C11orf65: variants seen among roughly 807,000 people sequenced by gnomAD.
The protein encoded by C11orf65 is protein MFI.
A neutral mutation model predicts 35.3 loss-of-function variants in C11orf65; 38 were observed. That is an observed-to-expected ratio of 1.08 (90% CI 0.83 to 1.41). C11orf65 has a LOEUF of 1.41. Among genes scored for constraint, C11orf65 ranks in the 40% most tolerant of loss-of-function variants. C11orf65 has a pLI of 0.00. For synonymous variants in C11orf65, 105 were observed against 114.4 expected, an observed-to-expected ratio of 0.92 and a Z score of 0.53; for missense variants, 370 against 367.1, an observed-to-expected ratio of 1.01 and a Z score of -0.06.
Position 108,320,307 on chromosome 11 carries a change from A to T in C11orf65, c.641-11236T>A, listed in dbSNP as rs139346740. Among the ~76,000 whole-genome samples the T allele has an allele frequency of 5.0e-3, 765 of 152,252 alleles. 12 individuals carry two copies. The highest frequency in any genetic ancestry group is 0.018 in the African/African-American group (730 of 41,542). On this transcript the variant is annotated intron_variant, in intron 6 of 6. Coordinates refer to the C11orf65 transcript ENST00000525729. ...GTGATTCCCTCTTTGTTCTCTTCCTATACAAGTATCCTGAGAATTATATCT... is the reference window on the plus strand; with the variant it reads ...GTGATTCCCTCTTTGTTCTCTTCCTTTACAAGTATCCTGAGAATTATATCT...
At chr11:108,389,823 T>C (rs1339714390) in intron 7 of C11orf65, among the ~76,000 whole-genome samples, 1 of 150,938 alleles carries the variant, frequency 6.6e-6, no homozygotes, top group Non-Finnish European at 1.5e-5. Context: ...GCCTCCCAAG[T>C]AGCTAGGACT....
At chr11:108,348,522 T>G (rs560029164) in intron 2 of C11orf65, among the ~76,000 whole-genome samples, 10 of 151,856 alleles carry the variant, frequency 6.6e-5, no homozygotes, top group African/African-American at 2.4e-4. Context: ...TATTTTGAAG[T>G]ATTAATGGGA....
At chr11:108,369,357 A>G (rs1416990647) in intron 2 of C11orf65, among the ~76,000 whole-genome samples, 4 of 150,284 alleles carry the variant, frequency 2.7e-5, no homozygotes, top group African/African-American at 1.0e-4. Flanking sequence ...GGCAAATATG[A>G]ATGTTCTTTC....
chr11:108,313,394 C>T (rs2084338132), intron 6 of C11orf65, among the ~76,000 whole-genome samples: 1 of 152,226 alleles, frequency 6.6e-6, no homozygotes, highest in East Asian at 1.9e-4. Context: ...AAGAGTTGTC[C>T]ATATTTGCTG....
intron 6 of C11orf65, among the ~76,000 whole-genome samples, chr11:108,320,505 A>G (rs1290487890): frequency 6.6e-6 from 1 of 152,228 alleles, no homozygotes; most frequent in Non-Finnish European, 1.5e-5. Flanking sequence ...AATAAATCCT[A>G]TGTTTATCAC....
intron 6 of C11orf65, among the ~76,000 whole-genome samples, chr11:108,313,288 C>T (rs2084329045): frequency 6.6e-6 from 1 of 152,148 alleles, no homozygotes; most frequent in Admixed American, 6.5e-5. Flanking sequence ...TTTAAAAATT[C>T]CCTTTCTCAC....
chr11:108,331,805 T>C (rs2136509670), intron 3 of C11orf65: 2 of 1,535,776 alleles, frequency 1.3e-6, no homozygotes, highest in Non-Finnish European at 1.8e-6. Context: ...CACATTTTAA[T>C]GTTAAGCAAA....
chr11:108,369,451 C>T (rs1341502630), intron 2 of C11orf65, among the ~76,000 whole-genome samples: 3 of 152,076 alleles, frequency 2.0e-5, no homozygotes, highest in Non-Finnish European at 4.4e-5. Context: ...ATCCTGGTAT[C>T]CTAAATGCAA....
chr11:108,387,104 T>C (rs2092024231), intron 7 of C11orf65, among the ~76,000 whole-genome samples: 1 of 150,578 alleles, frequency 6.6e-6, no homozygotes, highest in South Asian at 2.1e-4. Flanking sequence ...AGAATTATCA[T>C]GTAATTCAGA....
chr11:108,326,295 A>G, intron 6 of C11orf65: 1 of 1,547,968 alleles, frequency 6.5e-7, no homozygotes, highest in Non-Finnish European at 8.8e-7. Flanking sequence ...ACTTTAAAAT[A>G]TTTTTAATAA....
At chr11:108,313,706 A>G (rs1048801967) in intron 6 of C11orf65, among the ~76,000 whole-genome samples, 1 of 151,952 alleles carries the variant, frequency 6.6e-6, no homozygotes, top group Non-Finnish European at 1.5e-5. Flanking sequence ...GAACTTTTCT[A>G]CTCTGAGGAC....
At chr11:108,367,631 G>A (rs779747622) in intron 2 of C11orf65, 2 of 208,990 alleles carry the variant, frequency 9.6e-6, no homozygotes, top group South Asian at 1.9e-4. Flanking sequence ...GACCTTGAAG[G>A]TTATATAAAT....
In C11orf65 at chr11:108,461,547, C is replaced by T. The variant is rs1305151810; in HGVS notation, c.13G>A (p.Glu5Lys). 6.2e-7 allele frequency: 1 copy of T among 1,603,704 alleles called. No individual in the cohort carries two copies. Among genetic ancestry groups the T allele is most frequent in the East Asian group, 2.2e-5 (1 of 44,472 alleles). MPWK[E>K]ESEFTKQDKA... ...TCCTGCTTTGTAAATTCTGATTCCT[C>T]TTTCCAAGGCATTTGAAATTCCTAA... Residue 5 changes from glutamate (E) to lysine (K), a missense_variant, in exon 2 of 9, where the codon GAG becomes AAG. Glu to Lys is a moderately conservative substitution (Grantham distance 56). Transcript: ENST00000393084.
chr11:108,327,862 A>G (rs1019658254), downstream of C11orf65: 5 of 917,744 alleles, frequency 5.4e-6, no homozygotes, highest in Non-Finnish European at 8.6e-6. Flanking sequence ...GTATGGTTTT[A>G]TTTTTCTATA....
chr11:108,346,576 T>G (rs2088435928), intron 2 of C11orf65: 2 of 152,472 alleles, frequency 1.3e-5, no homozygotes, highest in Admixed American at 1.3e-4. Context: ...GCATGTATGT[T>G]TTGAAAGAGT....
At chr11:108,359,452 G>T (rs1178111776) in intron 2 of C11orf65, among the ~76,000 whole-genome samples, 2 of 152,070 alleles carry the variant, frequency 1.3e-5, no homozygotes, top group East Asian at 3.9e-4. Context: ...GGACCTAATA[G>T]ACATCTACAG....
chr11:108,465,320 T>C (rs553384255), intron 1 of C11orf65, among the ~76,000 whole-genome samples: 1 of 152,328 alleles, frequency 6.6e-6, no homozygotes, highest in South Asian at 2.1e-4. Flanking sequence ...AAAAAGTATG[T>C]CATAAATGCC....
intron 2 of C11orf65, among the ~76,000 whole-genome samples, chr11:108,374,725 G>C (rs542867370): frequency 6.6e-6 from 1 of 152,274 alleles, no homozygotes; most frequent in African/African-American, 2.4e-5. Context: ...AGGCAAAGAA[G>C]TTGAAAACTT....
Position 108,316,243 on chromosome 11 carries a change from G to A in C11orf65, c.641-7172C>T, listed in dbSNP as rs55982799. ...ACTAGAACTTATCTGTTTTTCAGAG[G>A]ATTAGGCTAAACATTCAGGGATACT... On this transcript the variant is annotated intron_variant, in intron 6 of 6. Coordinates refer to the C11orf65 transcript ENST00000525729. 3,093 of 960,942 alleles carry A rather than the reference G, an allele frequency of 3.2e-3. 70 individuals carry two copies. The African/African-American group carries it at 0.043, about 13-fold the overall frequency. 59.5% of individuals were successfully genotyped at this position (960,942 alleles called of 1,614,324 possible). A position where few individuals can be genotyped will look rare whatever the true frequency, so the allele number is the denominator to read the frequency against.
Sources: gnomAD v4.1 joint callset for allele counts (sites outside exome capture counted in the v4.1 genomes callset) on GRCh38, gnomAD v4.1.1 for gene constraint, MANE v1.5 for transcripts, NCBI Gene and HGNC (gene_info 2026-07-23, HGNC 2026-07-21) for gene names.